Variants in THSD7A observed in about 807,000 individuals in gnomAD.
THSD7A encodes the protein thrombospondin type 1 domain containing 7A, also known as thrombospondin type-1 domain-containing protein 7A.
In THSD7A, 96 loss-of-function variants were observed where a neutral mutation model predicts 231.3. That is an observed-to-expected ratio of 0.41 (90% CI 0.35 to 0.49). The LOEUF (loss-of-function observed/expected upper bound fraction) is 0.49, where lower values mean the gene tolerates loss of function less well. THSD7A is among the 20% of genes least tolerant of loss of function. The pLI is 0.05. For synonymous variants in THSD7A, 940 were observed against 743.3 expected (o/e 1.26, Z -4.30); for missense variants, 2,290 against 2,070.2 (o/e 1.11, Z -2.06).
intron 1 of THSD7A, among the ~76,000 whole-genome samples, chr7:11,763,917 T>A (rs67907409): frequency 0.16 from 24,410 of 152,140 alleles, 2,256 homozygotes; most frequent in South Asian, 0.27. Context: ...AGACTATGAT[T>A]AGTATTAAAT....
chr7:11,439,571 T>C (rs1784738776), intron 13 of THSD7A, among the ~76,000 whole-genome samples: 1 of 152,050 alleles, frequency 6.6e-6, no homozygotes, highest in Admixed American at 6.6e-5. Flanking sequence ...AGTACTCCTG[T>C]GAACACACAA....
intron 2 of THSD7A, among the ~76,000 whole-genome samples, chr7:11,597,378 G>T (rs1780401198): frequency 6.6e-6 from 1 of 152,202 alleles, no homozygotes; most frequent in South Asian, 2.1e-4. Flanking sequence ...TATACCGAGT[G>T]ACCTGAAATA....
chr7:11,388,221 G>T (rs973113344), intron 23 of THSD7A, among the ~76,000 whole-genome samples: 78 of 152,102 alleles, frequency 5.1e-4, no homozygotes, highest in African/African-American at 1.9e-3. Context: ...AATGAGGTAG[G>T]GAGGATTCCC....
intron 10 of THSD7A, 37 bp from the exon 11 acceptor site, chr7:11,460,802 C>G (rs1785479008): frequency 6.5e-7 from 1 of 1,548,938 alleles, no homozygotes; most frequent in Non-Finnish European, 8.8e-7. Context: ...GGGGAAGAAG[C>G]AAAAATGCCA....
intron 4 of THSD7A, among the ~76,000 whole-genome samples, chr7:11,561,847 T>G (rs1790091860): frequency 6.8e-6 from 1 of 147,560 alleles, no homozygotes; most frequent in Non-Finnish European, 1.5e-5. Context: ...CAACTCTGTG[T>G]CAAAAAATAA....
At chr7:11,475,202 T>C (rs545028265) in intron 7 of THSD7A, among the ~76,000 whole-genome samples, 1 of 152,288 alleles carries the variant, frequency 6.6e-6, no homozygotes, top group South Asian at 2.1e-4. Flanking sequence ...ACTATTATCA[T>C]AATACTATAA....
intron 4 of THSD7A, among the ~76,000 whole-genome samples, chr7:11,565,079 T>C (rs1790250462): frequency 6.6e-6 from 1 of 152,108 alleles, no homozygotes; most frequent in Middle Eastern, 3.2e-3. Flanking sequence ...TGTAGAATAG[T>C]GTACATAGAA....
chr7:11,761,011 A>G (rs1008553046), intron 1 of THSD7A, among the ~76,000 whole-genome samples: 2 of 149,754 alleles, frequency 1.3e-5, no homozygotes, highest in African/African-American at 4.9e-5. Flanking sequence ...ATCGAATACA[A>G]ACATATTGCT....
Position 11,373,590 on chromosome 7 carries a change from C to CTAA in THSD7A, c.*2201_*2203dup, listed in dbSNP as rs1782144855. 6.6e-6 allele frequency: 1 copy of CTAA among 151,832 alleles called. No individual in the cohort carries two copies. Among genetic ancestry groups the CTAA allele is most frequent in the Admixed American group, 6.6e-5 (1 of 15,214 alleles). The allele number at this position is 151,832 out of a possible 1,614,324, so 9.4% of individuals were successfully genotyped here. On this transcript the variant is annotated 3_prime_UTR_variant, in exon 28 of 28. Transcript: ENST00000423059. ...TTCTCTTTGAAATGATTTACATTTC[C>CTAA]TAATATAGTGAATATTGAATGAGGA...
At chr7:11,699,798 C>G (rs1024877045) in intron 1 of THSD7A, among the ~76,000 whole-genome samples, 1 of 151,104 alleles carries the variant, frequency 6.6e-6, no homozygotes, top group Non-Finnish European at 1.5e-5. Flanking sequence ...ATCACATATC[C>G]GACTTATTGA....
In THSD7A at chr7:11,620,666, C is replaced by A. The variant is rs539953009; in HGVS notation, c.1022+15464G>T. Among the ~76,000 whole-genome samples, 3 of 152,288 alleles carry A rather than the reference C, an allele frequency of 2.0e-5. No homozygotes were observed. In the South Asian group the frequency reaches 6.2e-4, roughly 32 times the overall value. On this transcript the variant is annotated intron_variant, in intron 2 of 27. Transcript: ENST00000423059. ...AAAGGGTAGGGGAATCAGAAAGACA[C>A]TTTCAAGTAGTTCATGGTCTAGTTA... is the stretch of plus-strand genomic sequence containing the variant.
chr7:11,691,709 A>G (rs753898554), intron 1 of THSD7A, among the ~76,000 whole-genome samples: 4 of 151,440 alleles, frequency 2.6e-5, no homozygotes, highest in African/African-American at 4.8e-5. Flanking sequence ...ATGAGTAAAT[A>G]TGTTTATTCA....
At position 11,407,475 on chromosome 7, in the gene THSD7A, C is replaced by A. The variant is rs376564981; in HGVS notation, c.3799-52G>T. 1.6e-5 allele frequency: 22 copies of A among 1,353,554 alleles called. No individual in the cohort carries two copies. In the African/African-American group the frequency reaches 2.3e-4, roughly 14 times the overall value. 83.8% of individuals were successfully genotyped at this position (1,353,554 alleles called of 1,614,324 possible). A position where few individuals can be genotyped will look rare whatever the true frequency, so the allele number is the denominator to read the frequency against. On this transcript the variant is annotated intron_variant, in intron 19 of 27. Coordinates refer to ENST00000423059, the MANE Select transcript of THSD7A (RefSeq NM_015204.3). ...GTATATTGTAAATTGGGGGAGGGAG[C>A]CAGAGAATGAGGTGACAAGAAAGAA...
intron 2 of THSD7A, among the ~76,000 whole-genome samples, chr7:11,625,429 A>T (rs1479857358): frequency 6.6e-6 from 1 of 152,120 alleles, no homozygotes; most frequent in East Asian, 1.9e-4. Context: ...AATACTACTC[A>T]AACAAATTTT....
intron 23 of THSD7A, among the ~76,000 whole-genome samples, chr7:11,390,406 C>T (rs1044813855): frequency 2.0e-5 from 3 of 152,168 alleles, no homozygotes; most frequent in African/African-American, 7.2e-5. Context: ...GCTATTGATA[C>T]TTGTGTATGC....
intron 1 of THSD7A, among the ~76,000 whole-genome samples, chr7:11,653,324 T>C (rs17165015): frequency 0.045 from 6,775 of 151,920 alleles, 184 homozygotes; most frequent in East Asian, 0.13. Context: ...GGAGATTTTC[T>C]AGCTCAAGTT....
chr7:11,514,307 C>T (rs1787937840), intron 6 of THSD7A, among the ~76,000 whole-genome samples: 2 of 152,166 alleles, frequency 1.3e-5, no homozygotes, highest in Admixed American at 6.5e-5. Context: ...AAGACAGATA[C>T]ATTATTTAAA....
intron 1 of THSD7A, among the ~76,000 whole-genome samples, chr7:11,736,265 G>C (rs565132762): frequency 1.1e-3 from 160 of 152,092 alleles, no homozygotes; most frequent in Non-Finnish European, 1.7e-3. Flanking sequence ...CCACATGATA[G>C]GAGTAAGAGC....
rs552350143 is a variant in THSD7A, at chr7:11,508,742, G to C, written c.1823-26760C>G. On this transcript the variant is annotated intron_variant, in intron 6 of 27. Coordinates refer to ENST00000423059, the MANE Select transcript of THSD7A (RefSeq NM_015204.3). ...AAAGAAAATGTGGTATATACTCATA[G>C]TGGAATAACATTCAGCCTTAAAAAA... Among the ~76,000 whole-genome samples, 12 of 152,312 alleles carry C rather than the reference G, an allele frequency of 7.9e-5. No homozygotes were observed. The South Asian group carries it at 2.5e-3, about 32-fold the overall frequency.
Sources: gnomAD v4.1 joint callset for allele counts (sites outside exome capture counted in the v4.1 genomes callset) on GRCh38, gnomAD v4.1.1 for gene constraint, MANE v1.5 for transcripts, NCBI Gene and HGNC (gene_info 2026-07-23, HGNC 2026-07-21) for gene names.